CXADR: variants seen among roughly 807,000 people sequenced by gnomAD.
CXADR encodes CXADR cell adhesion molecule, also known as coxsackievirus and adenovirus receptor.
A neutral mutation model predicts 40.3 loss-of-function variants in CXADR; 20 were observed. That is an observed-to-expected ratio of 0.50 (90% confidence interval 0.35 to 0.72). The LOEUF (loss-of-function observed/expected upper bound fraction) is 0.72. CXADR is among the 30% of genes least tolerant of loss of function. CXADR has a pLI of 0.01. For missense variants in CXADR, 332 were observed against 449.1 expected, an observed-to-expected ratio of 0.74 and a Z score of 2.36; for synonymous variants, 150 against 161.3, an observed-to-expected ratio of 0.93 and a Z score of 0.53.
downstream of CXADR, among the ~76,000 whole-genome samples, chr21:17,573,633 G>T (rs2061297198): frequency 6.6e-6 from 1 of 152,178 alleles, no homozygotes. Flanking sequence ...ATGAGGCTGG[G>T]CACGGTGGCT....
At chr21:17,607,835 A>C in the CXADR span, among the ~76,000 whole-genome samples, 3 of 152,250 alleles carry the variant, frequency 2.0e-5, no homozygotes, top group African/African-American at 7.2e-5. Flanking sequence ...TGAGTTTAGC[A>C]GAACATTCTC....
chr21:17,538,622 A>G (rs1253933334), intron 1 of CXADR, among the ~76,000 whole-genome samples: 1 of 152,054 alleles, frequency 6.6e-6, no homozygotes, highest in Admixed American at 6.6e-5. Context: ...CTTGGGCAAC[A>G]TAACGAGACT....
intron 1 of CXADR, among the ~76,000 whole-genome samples, chr21:17,546,255 C>T (rs2060895397): frequency 6.6e-6 from 1 of 152,010 alleles, no homozygotes; most frequent in Non-Finnish European, 1.5e-5. Flanking sequence ...CAGCATATAC[C>T]CTACCGACAG....
chr21:17,540,455 T>A (rs543212072), intron 1 of CXADR, among the ~76,000 whole-genome samples: 9 of 152,224 alleles, frequency 5.9e-5, no homozygotes, highest in Non-Finnish European at 1.0e-4. Flanking sequence ...GGTGGCAATA[T>A]TTAGTCATAC....
chr21:17,573,855 C>T (rs1009781501), downstream of CXADR, among the ~76,000 whole-genome samples: 15 of 152,094 alleles, frequency 9.9e-5, no homozygotes, highest in Non-Finnish European at 1.9e-4. Flanking sequence ...TGCAGTGAGC[C>T]GAGATTGTGC....
intron 1 of CXADR, among the ~76,000 whole-genome samples, chr21:17,541,368 C>A (rs1424070805): frequency 1.3e-5 from 2 of 151,858 alleles, no homozygotes; most frequent in South Asian, 2.1e-4. Flanking sequence ...CTGGCTAACA[C>A]GGCGAAACCC....
chr21:17,582,301 C>T (rs996157427), intron 7 of CXADR, among the ~76,000 whole-genome samples: 11 of 152,194 alleles, frequency 7.2e-5, no homozygotes, highest in South Asian at 2.1e-4. Flanking sequence ...CATGAGCCAC[C>T]GCAGCCCGCT....
intron 1 of CXADR, among the ~76,000 whole-genome samples, chr21:17,525,529 A>G (rs916442439): frequency 2.6e-5 from 4 of 152,224 alleles, no homozygotes; most frequent in African/African-American, 4.8e-5. Context: ...TCTCTCTCAC[A>G]TGTATTTTAA....
At chr21:17,586,441 T>C (rs2061397260) in intron 7 of CXADR, among the ~76,000 whole-genome samples, 1 of 148,262 alleles carries the variant, frequency 6.7e-6, no homozygotes, top group Non-Finnish European at 1.5e-5. Flanking sequence ...GTATAATCCT[T>C]CCATATTTCC....
chr21:17,521,227 C>T (rs1701535119), intron 1 of CXADR, among the ~76,000 whole-genome samples: 2 of 152,132 alleles, frequency 1.3e-5, no homozygotes, highest in African/African-American at 4.8e-5. Context: ...AAAAGTGAGG[C>T]TAGTGGGTTT....
intron 1 of CXADR, among the ~76,000 whole-genome samples, chr21:17,539,686 A>G (rs1319283585): frequency 6.6e-6 from 1 of 152,238 alleles, no homozygotes; most frequent in Non-Finnish European, 1.5e-5. Context: ...ATTCCTGTGC[A>G]CTTCTGTATA....
downstream of CXADR, among the ~76,000 whole-genome samples, chr21:17,570,656 C>T (rs780146837): frequency 5.9e-5 from 9 of 152,122 alleles, no homozygotes; most frequent in Non-Finnish European, 1.2e-4. Flanking sequence ...AGTGCTATCA[C>T]GTTGAGTATT....
chr21:17,603,331 T>C, the CXADR span, among the ~76,000 whole-genome samples: 1 of 152,182 alleles, frequency 6.6e-6, no homozygotes, highest in African/African-American at 2.4e-5. Context: ...TTGAGATAGC[T>C]TGCTCCTTTT....
chr21:17,629,752 A>T, the CXADR span, among the ~76,000 whole-genome samples: 2 of 152,170 alleles, frequency 1.3e-5, no homozygotes, highest in East Asian at 3.8e-4. Flanking sequence ...CAGGAAGATC[A>T]CTTGAGCCCA....
chr21:17,568,852 T>A lies in CXADR; in HGVS notation c.*3160T>A. On this transcript the variant is annotated 3_prime_UTR_variant, in exon 7 of 7. Coordinates refer to ENST00000284878, the MANE Select transcript of CXADR (RefSeq NM_001338.5). ...AATTATTCTGGACAAATTGCTTCTT[T>A]TTAATTTGAGCTATCTGCCATGGAC... is the stretch of plus-strand genomic sequence containing the variant. The A allele has an allele frequency of 1.0e-6, 1 of 985,418 alleles. No individual in the cohort carries two copies. Among genetic ancestry groups the A allele is most frequent in the Non-Finnish European group, 1.2e-6 (1 of 829,926 alleles). 61.0% of individuals were successfully genotyped at this position (985,418 alleles called of 1,614,324 possible). A position where few individuals can be genotyped will look rare whatever the true frequency, so the allele number is the denominator to read the frequency against.
the CXADR span, among the ~76,000 whole-genome samples, chr21:17,602,976 G>C: frequency 6.6e-6 from 1 of 152,246 alleles, no homozygotes; most frequent in African/African-American, 2.4e-5. Flanking sequence ...TAATCGTGCT[G>C]ATTTTTTAGC....
chr21:17,590,228 A>ATTT (rs35390860), intron 7 of CXADR, among the ~76,000 whole-genome samples: 216 of 146,510 alleles, frequency 1.5e-3, no homozygotes, highest in African/African-American at 2.6e-3. Context: ...GTAGCTAGGT[A>ATTT]TTTTTTTTTT....
chr21:17,598,525 T>G (rs1032810883), downstream of CXADR: 3 of 1,078,350 alleles, frequency 2.8e-6, no homozygotes, highest in African/African-American at 4.8e-5. Context: ...GAATCTCAAG[T>G]CAGAAACCTT....
the CXADR span, among the ~76,000 whole-genome samples, chr21:17,602,127 A>G: frequency 1.3e-5 from 2 of 152,012 alleles, no homozygotes; most frequent in East Asian, 3.9e-4. Context: ...TTAACACTCT[A>G]TTGGGGGAAA....
Sources: gnomAD v4.1 joint callset for allele counts (sites outside exome capture counted in the v4.1 genomes callset) on GRCh38, gnomAD v4.1.1 for gene constraint, MANE v1.5 for transcripts, NCBI Gene and HGNC (gene_info 2026-07-23, HGNC 2026-07-21) for gene names.